PDXDC1: variants seen among roughly 807,000 people sequenced by gnomAD.
PDXDC1 encodes pyridoxal-dependent decarboxylase domain-containing protein 1.
Under a neutral mutation model 100.1 loss-of-function variants are expected in PDXDC1, and 42 were observed. The observed-to-expected ratio is 0.42, with a 90% confidence interval of 0.33 to 0.54. The LOEUF (loss-of-function observed/expected upper bound fraction) is 0.54, where lower values mean the gene tolerates loss of function less well. PDXDC1 is among the 20% of genes least tolerant of loss of function. The pLI is 0.10. For missense variants in PDXDC1, 636 were observed against 979.2 expected (o/e 0.65, Z 4.68); for synonymous variants, 260 against 371.7 (o/e 0.70, Z 3.46).
At chr16:15,025,842 G>A (rs1299970379) in intron 13 of PDXDC1, 1 of 152,526 alleles carries the variant, frequency 6.6e-6, no homozygotes, top group African/African-American at 2.4e-5. Context: ...GACCAAGTCA[G>A]GGTATACTGT....
intron 3 of PDXDC1, among the ~76,000 whole-genome samples, chr16:14,999,021 G>T (rs1972588626): frequency 6.6e-6 from 1 of 152,266 alleles, no homozygotes; most frequent in South Asian, 2.1e-4. Flanking sequence ...GGAGTTCAAG[G>T]TTACAGCGAT....
chr16:15,009,533 G>A, intron 7 of PDXDC1, 148 bp from the exon 8 acceptor site: 2 of 1,125,582 alleles, frequency 1.8e-6, no homozygotes, highest in Middle Eastern at 2.9e-4. Context: ...TCACATCTAT[G>A]ATGAGAGAAA....
intron 16 of PDXDC1, among the ~76,000 whole-genome samples, chr16:15,100,988 A>G (rs2046524909): frequency 6.6e-6 from 1 of 152,132 alleles, no homozygotes; most frequent in African/African-American, 2.4e-5. Context: ...TAGTTAATTA[A>G]TTAATGGAAG....
At position 15,029,932 on chromosome 16, in the gene PDXDC1, C is replaced by T. The variant is rs1409576500; in HGVS notation, c.1294-19C>T. 3 of 1,547,686 alleles carry T rather than the reference C, an allele frequency of 1.9e-6. No individual in the cohort carries two copies. Among genetic ancestry groups the T allele is most frequent in the East Asian group, 4.9e-5 (2 of 40,756 alleles). Reference sequence around the variant, plus strand: ...GAGTCCCTTGTTACAGGAGGGTGTTCATTGTGTCCTCCTCACAGCTGGGAG... The same window carrying T: ...GAGTCCCTTGTTACAGGAGGGTGTTTATTGTGTCCTCCTCACAGCTGGGAG... On this transcript the variant is annotated intron_variant, in intron 15 of 22. Transcript: ENST00000396410.
Position 15,036,303 on chromosome 16 carries a change from T to C in PDXDC1, c.*28T>C. On this transcript the variant is annotated 3_prime_UTR_variant, in exon 23 of 23. Transcript: ENST00000396410. ...CTCATTGTGTGGTTTGAGACTGTAC[T>C]GAGTATTGTTTCAGGGAAGATGAAG... The C allele has an allele frequency of 6.3e-7, 1 of 1,578,318 alleles. No individual in the cohort carries two copies. The highest frequency in any genetic ancestry group is 8.6e-7 in the Non-Finnish European group (1 of 1,156,180).
chr16:15,114,935 T>A (rs1473371178), intron 16 of PDXDC1, among the ~76,000 whole-genome samples: 2 of 146,114 alleles, frequency 1.4e-5, no homozygotes, highest in African/African-American at 5.0e-5. Flanking sequence ...AAATTTTTTT[T>A]TTTTTTTTTT....
At chr16:15,122,841 G>GGGAAGGGGAGA (rs1211661438) in intron 16 of PDXDC1, among the ~76,000 whole-genome samples, 1 of 120,028 alleles carries the variant, frequency 8.3e-6, no homozygotes, top group Non-Finnish European at 1.8e-5. Flanking sequence ...GGAAGGGGAG[G>GGGAAGGGGAGA]GGAAGGGGAG....
downstream of PDXDC1, chr16:15,041,165 C>T: frequency 1.7e-6 from 2 of 1,200,566 alleles, no homozygotes; most frequent in Non-Finnish European, 2.5e-6. Context: ...AAAGAAATAC[C>T]AAATGATTAT....
intron 21 of PDXDC1, among the ~76,000 whole-genome samples, chr16:15,034,758 C>T (rs1371748307): frequency 6.6e-6 from 1 of 152,222 alleles, no homozygotes; most frequent in Admixed American, 6.5e-5. Flanking sequence ...AGCAAGGAAG[C>T]AGCTACCCAC....
At chr16:15,056,044 C>T (rs1353423261) in intron 16 of PDXDC1, 7 of 667,160 alleles carry the variant, frequency 1.0e-5, no homozygotes, top group African/African-American at 1.9e-5. Flanking sequence ...CCGCCCGCCG[C>T]CCCCGCCCCT....
intron 17 of PDXDC1, chr16:15,032,469 C>A (rs535001477): frequency 2.7e-4 from 47 of 176,010 alleles, no homozygotes; most frequent in Admixed American, 2.4e-3. Context: ...GCCTGGACAA[C>A]ATGGCGAAAC....
intron 16 of PDXDC1, chr16:15,132,965 G>A (rs2048180927): frequency 3.8e-6 from 6 of 1,559,214 alleles, no homozygotes; most frequent in South Asian, 1.1e-5. Context: ...GTGCAGTTAC[G>A]TGCTAGATGC....
At chr16:15,128,302 C>A (rs747785421) in intron 16 of PDXDC1, 6 of 1,609,858 alleles carry the variant, frequency 3.7e-6, no homozygotes, top group African/African-American at 1.3e-5. Flanking sequence ...CAGGCTGTTG[C>A]GGTGGAAGGC....
At chr16:15,144,293 T>A (rs939288711), downstream of PDXDC1, among the ~76,000 whole-genome samples, 1 of 152,174 alleles carries the variant, frequency 6.6e-6, no homozygotes, top group Admixed American at 6.5e-5. Context: ...CTCTGCGCTG[T>A]GCTCCTTTCT....
the PDXDC1 span, among the ~76,000 whole-genome samples, chr16:15,146,121 G>C: frequency 9.8e-5 from 15 of 152,314 alleles, no homozygotes; most frequent in East Asian, 9.7e-4. Context: ...CCACTGTCAC[G>C]AGATGGTGGC....
At chr16:15,068,107 C>T (rs1456437096) in intron 16 of PDXDC1, 1 of 1,499,640 alleles carries the variant, frequency 6.7e-7, no homozygotes, top group South Asian at 1.2e-5. Context: ...TCTTACAATA[C>T]TAGATAAACA....
chr16:15,129,766 C>T (rs1359140891), intron 16 of PDXDC1: 2 of 658,530 alleles, frequency 3.0e-6, no homozygotes, highest in Non-Finnish European at 5.5e-6. Context: ...GCCCTTCACA[C>T]AGCACTGCAA....
At chr16:15,074,201 A>T (rs1371340220) in intron 16 of PDXDC1, among the ~76,000 whole-genome samples, 1 of 152,196 alleles carries the variant, frequency 6.6e-6, no homozygotes, top group Non-Finnish European at 1.5e-5. Flanking sequence ...AATGCAGTCA[A>T]CTCAGATTCC....
At chr16:15,074,738 C>T (rs200332749) in intron 16 of PDXDC1, 5 of 1,613,570 alleles carry the variant, frequency 3.1e-6, no homozygotes, top group Non-Finnish European at 4.2e-6. Context: ...ACATAGCAGA[C>T]ATCCTTCATG....
Sources: gnomAD v4.1 joint callset for allele counts (sites outside exome capture counted in the v4.1 genomes callset) on GRCh38, gnomAD v4.1.1 for gene constraint, MANE v1.5 for transcripts, NCBI Gene and HGNC (gene_info 2026-07-23, HGNC 2026-07-21) for gene names.